Variants in LRP2 observed in about 807,000 individuals in gnomAD.
LRP2 encodes low-density lipoprotein receptor-related protein 2.
In LRP2, 172 loss-of-function variants were observed where a neutral mutation model predicts 531.0. The observed-to-expected ratio is 0.32, with a 90% CI of 0.29 to 0.37. The LOEUF (loss-of-function observed/expected upper bound fraction) is 0.37, where lower values mean the gene tolerates loss of function less well. Among genes scored for constraint, LRP2 ranks in the 10% least tolerant of loss-of-function variants. The probability of loss-of-function intolerance (pLI) is 1.00; values close to 1 mark genes in which losing one functional copy is unlikely to be tolerated. For synonymous variants in LRP2, 1,992 were observed against 2,027.6 expected (o/e 0.98, Z 0.47); for missense variants, 5,167 against 5,868.3 (o/e 0.88, Z 3.90).
At chr2:169,244,125 G>T (rs560795122) in intron 22 of LRP2, among the ~76,000 whole-genome samples, 4 of 152,198 alleles carry the variant, frequency 2.6e-5, no homozygotes, top group Admixed American at 6.5e-5. Flanking sequence ...ATAGTGACTT[G>T]CCTAGTCAGG....
At chr2:169,226,369 A>G in intron 32 of LRP2, 53 bp downstream of exon 32, 1 of 1,419,904 alleles carries the variant, frequency 7.0e-7, no homozygotes, top group East Asian at 2.3e-5. Context: ...ACATCAGTGC[A>G]GGCAGGCTCT....
chr2:169,206,906 G>T lies in LRP2; in HGVS notation c.6814C>A (p.Arg2272Ser). The change falls in exon 39 of 79, where the codon CGT (arginine) becomes AGT (serine). Residue 2272 changes from arginine to serine, a missense_variant. Arg to Ser is a moderately radical substitution (Grantham distance 110). Coordinates refer to ENST00000649046, the MANE Select transcript of LRP2 (RefSeq NM_004525.3). The part of the protein sequence containing the change: ...RINGENSEVI[R>S]YGSRYPTPYG... ...GGAGTTGGGTAACGACTGCCATAAC[G>T]AATCACTTCAGAGTTCTCTCCATTG... The T allele has an allele frequency of 1.2e-6, 2 of 1,614,106 alleles. No homozygotes were observed. The highest frequency in any genetic ancestry group is 2.7e-5 in the African/African-American group (2 of 75,014).
chr2:169,327,301 T>C lies in LRP2; in HGVS notation c.80-6417A>G, dbSNP rs868473185. Among the ~76,000 whole-genome samples the C allele has an allele frequency of 5.6e-3, 395 of 71,162 alleles. 5 individuals are homozygous for C. The highest frequency in any genetic ancestry group is 8.7e-3 in the South Asian group (15 of 1,718). The allele number at this position is 71,162 out of a possible 152,430, so 46.7% of individuals were successfully genotyped here. On this transcript the variant is annotated intron_variant, in intron 1 of 78. Coordinates refer to ENST00000649046, the MANE Select transcript of LRP2 (RefSeq NM_004525.3). ...CCCCCGCCCGGCCAGCCGCCCCGTCTGGGAGGGAGGTGGGGTCAGCCCCCC... is the reference window on the plus strand; with the variant it reads ...CCCCCGCCCGGCCAGCCGCCCCGTCCGGGAGGGAGGTGGGGTCAGCCCCCC...
chr2:169,160,685 A>AAAAAAAAAAAAAAAAAAAAAAAAAC lies in LRP2; in HGVS notation c.11887+1786_11887+1787insGTTTTTTTTTTTTTTTTTTTTTTTT, dbSNP rs970862922. 3.4e-3 allele frequency among the ~76,000 whole-genome samples: 322 copies of AAAAAAAAAAAAAAAAAAAAAAAAAC among 94,000 alleles called. 3 individuals carry two copies. Among genetic ancestry groups the AAAAAAAAAAAAAAAAAAAAAAAAAC allele is most frequent in the African/African-American group, 4.3e-3 (95 of 21,926 alleles). The allele number at this position is 94,000 out of a possible 152,430, so 61.7% of individuals were successfully genotyped here. A position where few individuals can be genotyped will look rare whatever the true frequency, so the allele number is the denominator to read the frequency against. On this transcript the variant is annotated intron_variant, in intron 63 of 78. Coordinates refer to ENST00000649046, the MANE Select transcript of LRP2 (RefSeq NM_004525.3). ...TTGTTTGTGCTACTTATTTCCTTAA[A>AAAAAAAAAAAAAAAAAAAAAAAAAC]AAAAAAAAAACCTGCTACTAATTAA... is the stretch of plus-strand genomic sequence containing the variant.
chr2:169,356,572 T>TG, intron 1 of LRP2, among the ~76,000 whole-genome samples: 1 of 152,218 alleles, frequency 6.6e-6, no homozygotes, highest in Non-Finnish European at 1.5e-5. Context: ...TGTGTGGTAC[T>TG]GGATTTCCCA....
chr2:169,140,534 G>A lies in LRP2; in HGVS notation c.13120C>T (p.Pro4374Ser), dbSNP rs775496407. ...TTECDAAIEL[P>S]INLPPPCRCM... ...CTGCATGGGGGGGGCAGGTTGATAGGCAGTTCGATGGCTGCAGGAAGGGAA... is the reference window on the plus strand; with the variant it reads ...CTGCATGGGGGGGGCAGGTTGATAGACAGTTCGATGGCTGCAGGAAGGGAA... Residue 4374 changes from proline to serine, a missense_variant, in exon 72 of 79, where the codon CCT (proline) becomes TCT (serine). Physicochemically the swap from Pro to Ser is moderately conservative, Grantham distance 74. Around this residue, in one of 6 missense-constraint regions of LRP2, gnomAD observed 348 missense variants for 369.3 expected, o/e 0.94. Transcript: ENST00000649046. The A allele has an allele frequency of 1.9e-6, 3 of 1,613,440 alleles. No individual in the cohort carries two copies. The highest frequency in any genetic ancestry group is 8.5e-7 in the Non-Finnish European group (1 of 1,179,442).
chr2:169,319,030 T>G, intron 2 of LRP2, 146 bp from the exon 3 acceptor site: 1 of 993,774 alleles, frequency 1.0e-6, no homozygotes, highest in South Asian at 1.4e-5. Flanking sequence ...TACTAGAGTC[T>G]GTGGACGCCA....
intron 63 of LRP2, among the ~76,000 whole-genome samples, chr2:169,160,484 AAGG>A (rs1686536255): frequency 6.6e-6 from 1 of 152,100 alleles, no homozygotes; most frequent in Admixed American, 6.5e-5. Context: ...GAAGAAGAAG[AAGG>A]AGAAGAGGAG....
chr2:169,272,222 T>C lies in LRP2; in HGVS notation c.2116+705A>G, dbSNP rs1683435944. On this transcript the variant is annotated intron_variant, in intron 15 of 78. Transcript: ENST00000649046. ...GTGAAAATAAGAAAAACAAATATTG[T>C]AGGAGTGCATTTCATCATTAGCTGG... is the stretch of plus-strand genomic sequence containing the variant. Among the ~76,000 whole-genome samples the C allele has an allele frequency of 2.6e-5, 4 of 152,164 alleles. No homozygotes were observed. In the South Asian group the frequency reaches 6.2e-4, roughly 24 times the overall value.
At chr2:169,215,552 G>A (rs1486467662) in intron 35 of LRP2, among the ~76,000 whole-genome samples, 3 of 151,870 alleles carry the variant, frequency 2.0e-5, no homozygotes, top group Non-Finnish European at 4.4e-5. Context: ...GTGTAGCTAC[G>A]AGGGGATGCT....
chr2:169,170,933 T>TTG (rs1173402657), intron 58 of LRP2, among the ~76,000 whole-genome samples: 4 of 147,150 alleles, frequency 2.7e-5, no homozygotes, highest in Non-Finnish European at 6.0e-5. Flanking sequence ...TTTTTTTTTT[T>TTG]TTTTTTTTTT....
intron 27 of LRP2, among the ~76,000 whole-genome samples, chr2:169,237,753 T>A (rs1186310182): frequency 6.6e-6 from 1 of 152,130 alleles, no homozygotes; most frequent in Non-Finnish European, 1.5e-5. Flanking sequence ...ATCACTAAAT[T>A]AAAGCTAAGA....
At chr2:169,149,858 G>T (rs1013370677) in intron 68 of LRP2, among the ~76,000 whole-genome samples, 2 of 149,708 alleles carry the variant, frequency 1.3e-5, no homozygotes, top group African/African-American at 2.5e-5. Context: ...AAAAAAAAAA[G>T]AATTTCTATG....
chr2:169,158,863 AAAC>A (rs1558985459), intron 63 of LRP2, among the ~76,000 whole-genome samples: 52 of 152,016 alleles, frequency 3.4e-4, no homozygotes, highest in African/African-American at 6.7e-4. Flanking sequence ...AAAACAAAAA[AAAC>A]ACAGTTTATT....
chr2:169,271,639 ACAC>A lies in LRP2; in HGVS notation c.2117-535_2117-533del, dbSNP rs1189440520. 2,206 of 534,168 alleles carry A rather than the reference ACAC, an allele frequency of 4.1e-3. 61 individuals carry two copies. Among genetic ancestry groups the A allele is most frequent in the African/African-American group, 0.04 (1,938 of 48,376 alleles). The allele number at this position is 534,168 out of a possible 1,614,324, so 33.1% of individuals were successfully genotyped here. A position where few individuals can be genotyped will look rare whatever the true frequency, so the allele number is the denominator to read the frequency against. ...CACACACACACACACACACACACAC[ACAC>A]ACACACACACACAGAAACCTTTCTC... On this transcript the variant is annotated intron_variant, in intron 15 of 78. Transcript: ENST00000649046.
At chr2:169,214,298 G>A (rs1209020682) in intron 35 of LRP2, among the ~76,000 whole-genome samples, 3 of 152,068 alleles carry the variant, frequency 2.0e-5, no homozygotes, top group Admixed American at 6.6e-5. Context: ...CAACCACAGA[G>A]GACAGCAAGA....
intron 46 of LRP2, among the ~76,000 whole-genome samples, chr2:169,194,137 T>G (rs1559007870): frequency 6.6e-6 from 1 of 152,194 alleles, no homozygotes; most frequent in Non-Finnish European, 1.5e-5. Context: ...AATATTCCCT[T>G]ATGTGTATGG....
Position 169,264,807 on chromosome 2 carries a change from T to A in LRP2, c.2321-5590A>T, listed in dbSNP as rs184415151. On this transcript the variant is annotated intron_variant, in intron 16 of 78. Transcript: ENST00000649046. ...GCAAGATAAGGAGCAATCCAATGCC[T>A]AGGTCCCTCCCAGATCCTGAGTGTC... is the stretch of plus-strand genomic sequence containing the variant. Among the ~76,000 whole-genome samples the A allele has an allele frequency of 3.6e-3, 549 of 152,102 alleles. 5 individuals carry two copies. The highest frequency in any genetic ancestry group is 0.012 in the African/African-American group (512 of 41,530).
At chr2:169,285,032 G>A (rs1488376044) in intron 9 of LRP2, among the ~76,000 whole-genome samples, 2 of 152,110 alleles carry the variant, frequency 1.3e-5, no homozygotes, top group Non-Finnish European at 2.9e-5. Context: ...GAGTGGGCCA[G>A]GCACAGTGGC....
Sources: gnomAD v4.1 joint callset for allele counts (sites outside exome capture counted in the v4.1 genomes callset) on GRCh38, gnomAD v4.1.1 for gene constraint, gnomAD v4.1.1 regional missense constraint, MANE v1.5 for transcripts, NCBI Gene and HGNC (gene_info 2026-07-23, HGNC 2026-07-21) for gene names.